The following CDC42SE2 variants were observed in gnomAD, a reference collection of about 807,000 sequenced individuals.
CDC42SE2 encodes the protein CDC42 small effector protein 2.
CDC42SE2 carries 3 observed loss-of-function variants against 11.5 expected under a neutral mutation model. The ratio of observed to expected loss-of-function variants is 0.26; its 90% CI spans 0.12 to 0.67. CDC42SE2 has a LOEUF of 0.67. CDC42SE2 is among the 30% of genes least tolerant of loss of function. The pLI is 0.80. For synonymous variants in CDC42SE2, 33 were observed against 34.8 expected (o/e 0.95, Z 0.18); for missense variants, 82 against 106.8 (o/e 0.77, Z 1.02).
rs1380741289 is a variant in CDC42SE2 at position 131,376,236 on chromosome 5, C to CAA, written c.55-9297_55-9296dup. On this transcript the variant is annotated intron_variant, in intron 3 of 4. Coordinates refer to ENST00000505065, the MANE Select transcript of CDC42SE2 (RefSeq NM_001375635.1). The stretch of plus-strand genomic sequence containing the variant: ...CCTGGGTGACGAATGACTCTTGTCT[C>CAA]AAAAAAAAAAACAAAAAACCTTTAT... Among the ~76,000 whole-genome samples the CAA allele has an allele frequency of 4.0e-3, 547 of 135,692 alleles. 6 individuals carry two copies. Among genetic ancestry groups the CAA allele is most frequent in the African/African-American group, 0.014 (517 of 37,640 alleles). The allele number at this position is 135,692 out of a possible 152,430, so 89.0% of individuals were successfully genotyped here.
chr5:131,280,356 C>T (rs890651258), intron 1 of CDC42SE2, among the ~76,000 whole-genome samples: 2 of 152,128 alleles, frequency 1.3e-5, no homozygotes, highest in African/African-American at 4.8e-5. Context: ...CTTCCAGATA[C>T]CTCAATATGA....
At chr5:131,322,244 C>G (rs1444893586) in intron 2 of CDC42SE2, among the ~76,000 whole-genome samples, 6 of 152,130 alleles carry the variant, frequency 3.9e-5, no homozygotes, top group Non-Finnish European at 8.8e-5. Context: ...TAAGTATGTT[C>G]ACATTGCTGT....
Position 131,278,881 on chromosome 5 carries a change from T to C in CDC42SE2, c.-455+14715T>C, listed in dbSNP as rs191337992. Among the ~76,000 whole-genome samples the C allele has an allele frequency of 3.8e-3, 534 of 142,288 alleles. 3 individuals carry two copies. The highest frequency in any genetic ancestry group is 0.012 in the African/African-American group (461 of 37,612). The allele number at this position is 142,288 out of a possible 152,430, so 93.3% of individuals were successfully genotyped here. A position where few individuals can be genotyped will look rare whatever the true frequency, so the allele number is the denominator to read the frequency against. On this transcript the variant is annotated intron_variant, in intron 1 of 4. Coordinates refer to ENST00000505065, the MANE Select transcript of CDC42SE2 (RefSeq NM_001375635.1). ...CTCACTGCAACCTCTGCCTCCTAGG[T>C]TCAAGTGATTCTCCTGCCTCAGCCT...
chr5:131,253,106 A>G (rs1317351478), intron 1 of CDC42SE2: 2 of 152,248 alleles, frequency 1.3e-5, no homozygotes, highest in African/African-American at 4.8e-5. Context: ...GACCTCTGTC[A>G]GAGAATGAAA....
intron 2 of CDC42SE2, among the ~76,000 whole-genome samples, chr5:131,340,910 C>T (rs1308486373): frequency 6.6e-6 from 1 of 152,102 alleles, no homozygotes; most frequent in Non-Finnish European, 1.5e-5. Context: ...CTCCTGATCT[C>T]AAGTGATCTG....
At chr5:131,278,740 TCCCC>T (rs1278066332) in intron 1 of CDC42SE2, among the ~76,000 whole-genome samples, 8 of 842 alleles carry the variant, frequency 9.5e-3, no homozygotes, top group South Asian at 0.045. Flanking sequence ...TCCCCTCCCC[TCCCC>T]CTCCCCTCCC....
intron 1 of CDC42SE2, among the ~76,000 whole-genome samples, chr5:131,295,978 C>T (rs971328805): frequency 6.6e-6 from 1 of 152,216 alleles, no homozygotes; most frequent in Non-Finnish European, 1.5e-5. Context: ...AGCCACCGCA[C>T]CCGGCCAACA....
At chr5:131,296,828 G>A (rs535923018) in intron 1 of CDC42SE2, among the ~76,000 whole-genome samples, 1 of 152,096 alleles carries the variant, frequency 6.6e-6, no homozygotes, top group Non-Finnish European at 1.5e-5. Context: ...ATATGAAAAT[G>A]TGTTTTGTAA....
At position 131,268,754 on chromosome 5, in the gene CDC42SE2, C is replaced by CTTTT. The variant is rs11370516; in HGVS notation, c.-455+4606_-455+4609dup. On this transcript the variant is annotated intron_variant, in intron 1 of 4. Coordinates refer to ENST00000505065, the MANE Select transcript of CDC42SE2 (RefSeq NM_001375635.1). ...AGCATGAGCCACCACACCCGGATTG[C>CTTTT]TTTTTTTTTTTTTTTTTTTTTGAGA... Among the ~76,000 whole-genome samples the CTTTT allele has an allele frequency of 1.6e-3, 158 of 96,842 alleles. 6 individuals are homozygous for CTTTT. The South Asian group carries it at 0.022, about 13-fold the overall frequency. 63.5% of individuals were successfully genotyped at this position (96,842 alleles called of 152,430 possible). A position where few individuals can be genotyped will look rare whatever the true frequency, so the allele number is the denominator to read the frequency against.
chr5:131,238,644 A>C, the CDC42SE2 span, among the ~76,000 whole-genome samples: 1 of 151,986 alleles, frequency 6.6e-6, no homozygotes, highest in African/African-American at 2.4e-5. Flanking sequence ...AAAAGAAAAG[A>C]AAACCTTAAA....
intron 3 of CDC42SE2, among the ~76,000 whole-genome samples, chr5:131,381,512 G>A (rs1001361594): frequency 4.6e-5 from 7 of 152,170 alleles, no homozygotes; most frequent in Non-Finnish European, 5.9e-5. Flanking sequence ...TGGTAGAGAC[G>A]GGGTTTCACT....
chr5:131,220,535 C>T, the CDC42SE2 span, among the ~76,000 whole-genome samples: 2 of 152,158 alleles, frequency 1.3e-5, no homozygotes, highest in Admixed American at 6.5e-5. Flanking sequence ...CAGCATATAA[C>T]ACTTATTTTC....
At chr5:131,211,006 T>C in the CDC42SE2 span, among the ~76,000 whole-genome samples, 1 of 152,142 alleles carries the variant, frequency 6.6e-6, no homozygotes, top group Non-Finnish European at 1.5e-5. Flanking sequence ...CCCAGCTAAT[T>C]TGTGTATTTT....
intron 1 of CDC42SE2, among the ~76,000 whole-genome samples, chr5:131,287,561 C>G (rs1029267915): frequency 6.6e-6 from 1 of 151,668 alleles, no homozygotes; most frequent in Non-Finnish European, 1.5e-5. Context: ...TTCCTGCGGT[C>G]AGGTGATTCT....
At chr5:131,288,897 G>C (rs79340237) in intron 1 of CDC42SE2, among the ~76,000 whole-genome samples, 3,958 of 152,220 alleles carry the variant, frequency 0.026, 157 homozygotes, top group African/African-American at 0.087. Flanking sequence ...AAGGGTTGTT[G>C]TTGTTCCTTC....
At chr5:131,231,492 A>G in the CDC42SE2 span, among the ~76,000 whole-genome samples, 5 of 152,174 alleles carry the variant, frequency 3.3e-5, no homozygotes, top group African/African-American at 1.2e-4. Flanking sequence ...GAGTTGGCTG[A>G]ATGGTTTCTT....
At chr5:131,217,492 A>G in the CDC42SE2 span, among the ~76,000 whole-genome samples, 44,848 of 152,154 alleles carry the variant, frequency 0.29, 9,902 homozygotes, top group African/African-American at 0.63. Flanking sequence ...TAGAAAAGTT[A>G]TCTTTTCAAC....
At chr5:131,333,625 T>C (rs1758477070) in intron 2 of CDC42SE2, among the ~76,000 whole-genome samples, 1 of 152,228 alleles carries the variant, frequency 6.6e-6, no homozygotes, top group African/African-American at 2.4e-5. Flanking sequence ...CATTTGTTTG[T>C]ATCCTCTTTT....
At chr5:131,347,845 A>G (rs1758890794) in intron 2 of CDC42SE2, among the ~76,000 whole-genome samples, 1 of 152,258 alleles carries the variant, frequency 6.6e-6, no homozygotes, top group South Asian at 2.1e-4. Flanking sequence ...CTGGTTCAAC[A>G]TATGCAAATC....
Sources: gnomAD v4.1 joint callset for allele counts (sites outside exome capture counted in the v4.1 genomes callset) on GRCh38, gnomAD v4.1.1 for gene constraint, MANE v1.5 for transcripts, NCBI Gene and HGNC (gene_info 2026-07-23, HGNC 2026-07-21) for gene names.